ADAM10: variants seen among roughly 807,000 people sequenced by gnomAD.
ADAM10 encodes disintegrin and metalloproteinase domain-containing protein 10.
Under a neutral mutation model 90.1 loss-of-function variants are expected in ADAM10, and 17 were observed. The observed-to-expected ratio is 0.19, with a 90% confidence interval of 0.13 to 0.28. The LOEUF is 0.28. Among genes scored for constraint, ADAM10 ranks in the 10% least tolerant of loss-of-function variants. The probability of loss-of-function intolerance (pLI) is 1.00; values close to 1 mark genes in which losing one functional copy is unlikely to be tolerated. For missense variants in ADAM10, 610 were observed against 914.3 expected, an observed-to-expected ratio of 0.67 and a Z score of 4.29; for synonymous variants, 310 against 298.6, an observed-to-expected ratio of 1.04 and a Z score of -0.40.
intron 1 of ADAM10, among the ~76,000 whole-genome samples, chr15:58,744,672 G>A (rs1899728192): frequency 6.6e-6 from 1 of 152,190 alleles, no homozygotes; most frequent in Non-Finnish European, 1.5e-5. Context: ...TAGTAAATGT[G>A]TCTACAGTAA....
chr15:58,610,225 G>T, intron 14 of ADAM10, 72 bp downstream of exon 14: 2 of 1,278,372 alleles, frequency 1.6e-6, no homozygotes, highest in Non-Finnish European at 2.3e-6. Context: ...TCGTAACTTT[G>T]ATGACTTCTG....
At chr15:58,678,465 A>G (rs192139177) in intron 4 of ADAM10, among the ~76,000 whole-genome samples, 14 of 152,292 alleles carry the variant, frequency 9.2e-5, no homozygotes, top group Admixed American at 2.0e-4. Flanking sequence ...GGTATTCAAG[A>G]GCTATATAAA....
chr15:58,627,966 A>G lies in ADAM10; in HGVS notation c.1177-83T>C. 2 of 1,371,264 alleles carry G rather than the reference A, an allele frequency of 1.5e-6. 1 individual carries two copies. The highest frequency in any genetic ancestry group is 2.0e-6 in the Non-Finnish European group (2 of 978,764). 84.9% of individuals were successfully genotyped at this position (1,371,264 alleles called of 1,614,324 possible). The stretch of plus-strand genomic sequence containing the variant: ...ACTGATTAAACGTAATGTTCTCATC[A>G]GGAAAACAATGGAAGCTTGTGGACT... On this transcript the variant is annotated intron_variant, in intron 9 of 15. Transcript: ENST00000260408.
intron 9 of ADAM10, among the ~76,000 whole-genome samples, chr15:58,630,990 T>C (rs1266318768): frequency 6.6e-6 from 1 of 152,050 alleles, no homozygotes; most frequent in East Asian, 1.9e-4. Context: ...GGTGAGTGCA[T>C]TCTCACTCTC....
chr15:58,667,367 T>C (rs1345871644), intron 4 of ADAM10, among the ~76,000 whole-genome samples: 1 of 152,172 alleles, frequency 6.6e-6, no homozygotes, highest in African/African-American at 2.4e-5. Flanking sequence ...GTTCAGATTC[T>C]CTGTCAACAG....
At chr15:58,631,561 C>G (rs1262840146) in intron 9 of ADAM10, among the ~76,000 whole-genome samples, 4 of 152,120 alleles carry the variant, frequency 2.6e-5, no homozygotes, top group African/African-American at 9.7e-5. Context: ...AATACAGAAA[C>G]TCAGGCCCCA....
At chr15:58,603,002 G>A (rs1210558576) in intron 14 of ADAM10, among the ~76,000 whole-genome samples, 1 of 152,142 alleles carries the variant, frequency 6.6e-6, no homozygotes, top group African/African-American at 2.4e-5. Flanking sequence ...ACAATGTGTA[G>A]AATACACAAA....
chr15:58,692,353 G>A lies in ADAM10; in HGVS notation c.207-10039C>T, dbSNP rs781275755. 1.5e-5 allele frequency: 9 copies of A among 604,092 alleles called. No homozygotes were observed. The Middle Eastern group carries it at 8.4e-4, about 57-fold the overall frequency. 37.4% of individuals were successfully genotyped at this position (604,092 alleles called of 1,614,324 possible). ...AGGGTTTCTGGTCCAAATCGGCTTG[G>A]TCTGGTTTAGTTCTTCCCGATCAGT... On this transcript the variant is annotated intron_variant, in intron 2 of 15. Coordinates refer to ENST00000260408, the MANE Select transcript of ADAM10 (RefSeq NM_001110.4).
intron 5 of ADAM10, among the ~76,000 whole-genome samples, chr15:58,662,847 T>C (rs1387749565): frequency 2.0e-5 from 3 of 152,190 alleles, no homozygotes; most frequent in Non-Finnish European, 2.9e-5. Context: ...CGCCCGTAAG[T>C]CCAGACACCT....
At chr15:58,655,752 T>G in intron 5 of ADAM10, among the ~76,000 whole-genome samples, 1 of 102,494 alleles carries the variant, frequency 9.8e-6, no homozygotes, top group Admixed American at 1.0e-4. Flanking sequence ...CTTTTTTTTT[T>G]TTTTTTTTTT....
At chr15:58,609,564 A>C (rs138654881) in intron 14 of ADAM10, 1 of 153,418 alleles carries the variant, frequency 6.5e-6, no homozygotes, top group African/African-American at 2.4e-5. Context: ...GAGAAAGGGG[A>C]ATGTGAGTTA....
At chr15:58,745,790 T>C (rs1190266496) in intron 1 of ADAM10, among the ~76,000 whole-genome samples, 1 of 152,162 alleles carries the variant, frequency 6.6e-6, no homozygotes, top group Non-Finnish European at 1.5e-5. Flanking sequence ...TGATGGGGAC[T>C]GCAGTAACCG....
intron 5 of ADAM10, among the ~76,000 whole-genome samples, chr15:58,664,636 T>A (rs1172209364): frequency 6.6e-6 from 1 of 151,990 alleles, no homozygotes; most frequent in East Asian, 1.9e-4. Context: ...CTATAACCTG[T>A]CACCTATGAC....
At chr15:58,709,392 A>C (rs1337231977) in intron 2 of ADAM10, among the ~76,000 whole-genome samples, 1 of 152,204 alleles carries the variant, frequency 6.6e-6, no homozygotes, top group African/African-American at 2.4e-5. Flanking sequence ...GCATATACGT[A>C]ATTTCTGACA....
At chr15:58,653,659 A>G (rs1896742045) in intron 5 of ADAM10, among the ~76,000 whole-genome samples, 1 of 152,168 alleles carries the variant, frequency 6.6e-6, no homozygotes, top group Non-Finnish European at 1.5e-5. Flanking sequence ...CATGAGACAT[A>G]ATGGCCTGTC....
intron 1 of ADAM10, chr15:58,749,049 T>C: frequency 2.5e-6 from 1 of 398,818 alleles, no homozygotes; most frequent in Non-Finnish European, 4.4e-6. Context: ...GGGGGAGGAA[T>C]GGTGAGCAGG....
At position 58,749,667 on chromosome 15, in the gene ADAM10, G is replaced by T; in HGVS notation, c.-133C>A. 1 of 1,475,730 alleles carries T rather than the reference G, an allele frequency of 6.8e-7. No individual in the cohort carries two copies. The highest frequency in any genetic ancestry group is 9.1e-7 in the Non-Finnish European group (1 of 1,102,156). 91.4% of individuals were successfully genotyped at this position (1,475,730 alleles called of 1,614,324 possible). On this transcript the variant is annotated 5_prime_UTR_variant, in exon 1 of 16. Coordinates refer to ENST00000260408, the MANE Select transcript of ADAM10 (RefSeq NM_001110.4). The stretch of plus-strand genomic sequence containing the variant: ...GGGACCTCCCCTGGCAGGAGAAACG[G>T]CGAAGCACCTCCCTCTCGCTCCACT...
At chr15:58,654,158 T>A (rs751763496) in intron 5 of ADAM10, among the ~76,000 whole-genome samples, 1 of 152,144 alleles carries the variant, frequency 6.6e-6, no homozygotes, top group Non-Finnish European at 1.5e-5. Context: ...CAACTTTTTG[T>A]TTCTTTGATC....
intron 2 of ADAM10, among the ~76,000 whole-genome samples, chr15:58,697,990 A>T (rs778629084): frequency 1.3e-4 from 20 of 152,182 alleles, no homozygotes; most frequent in Non-Finnish European, 2.9e-4. Flanking sequence ...TGCCCTACCC[A>T]ATCAACATCA....
Sources: gnomAD v4.1 joint callset for allele counts (sites outside exome capture counted in the v4.1 genomes callset) on GRCh38, gnomAD v4.1.1 for gene constraint, MANE v1.5 for transcripts, NCBI Gene and HGNC (gene_info 2026-07-23, HGNC 2026-07-21) for gene names.